Variants in E2F6 observed in about 807,000 individuals in gnomAD.
E2F6 encodes the protein transcription factor E2F6.
E2F6 carries 19 observed loss-of-function variants against 31.5 expected under a neutral mutation model. The ratio of observed to expected loss-of-function variants is 0.60; its 90% CI spans 0.42 to 0.89. The LOEUF is 0.89. E2F6 is among the 40% of genes least tolerant of loss of function. The probability of loss-of-function intolerance (pLI) is 0.00; values close to 1 mark genes in which losing one functional copy is unlikely to be tolerated. For missense variants in E2F6, 269 were observed against 341.6 expected (o/e 0.79, Z 1.67); for synonymous variants, 121 against 127.7 (o/e 0.95, Z 0.36).
rs1197389402 is a variant in E2F6 at position 11,446,368 on chromosome 2, ACGAGAGCACTT to A, written c.*98_*108del. ...ACTGGCCATGATGCCGCTACTGAGA[ACGAGAGCACTT>A]CATGGATAATTTATTGCTCTGAGAA... On this transcript the variant is annotated 3_prime_UTR_variant, in exon 7 of 7. Coordinates refer to ENST00000381525, the MANE Select transcript of E2F6 (RefSeq NM_198256.4). 9 of 784,014 alleles carry A rather than the reference ACGAGAGCACTT, an allele frequency of 1.1e-5. No homozygotes were observed. Among genetic ancestry groups the A allele is most frequent in the Non-Finnish European group, 1.9e-5 (9 of 463,678 alleles). 48.6% of individuals were successfully genotyped at this position (784,014 alleles called of 1,614,324 possible).
At chr2:11,449,530 G>A (rs1359010552) in intron 5 of E2F6, among the ~76,000 whole-genome samples, 1 of 152,132 alleles carries the variant, frequency 6.6e-6, no homozygotes, top group African/African-American at 2.4e-5. Flanking sequence ...AGCAGCTGGC[G>A]GCTGACAAAA....
chr2:11,455,827 C>T (rs1014804832), intron 2 of E2F6, among the ~76,000 whole-genome samples: 17 of 152,202 alleles, frequency 1.1e-4, no homozygotes, highest in African/African-American at 3.4e-4. Flanking sequence ...CAAAGTCACC[C>T]GATGGCAAGA....
intron 4 of E2F6, 137 bp from the exon 5 acceptor site, chr2:11,450,263 G>T: frequency 1.0e-5 from 4 of 397,834 alleles, no homozygotes; most frequent in East Asian, 4.3e-5. Context: ...ATTAAGGAAA[G>T]CAGTAAAAAA....
At chr2:11,458,552 G>T (rs914282950) in intron 1 of E2F6, among the ~76,000 whole-genome samples, 2 of 152,178 alleles carry the variant, frequency 1.3e-5, no homozygotes, top group Admixed American at 1.3e-4. Context: ...AACCAGTAGA[G>T]AATCACCAAA....
intron 1 of E2F6, among the ~76,000 whole-genome samples, chr2:11,462,936 C>T (rs1671877210): frequency 6.6e-6 from 1 of 152,074 alleles, no homozygotes; most frequent in African/African-American, 2.4e-5. Context: ...GAGTTTGAAA[C>T]CTAAGTAGGA....
intron 2 of E2F6, among the ~76,000 whole-genome samples, chr2:11,456,195 T>C (rs1671394079): frequency 6.6e-6 from 1 of 152,218 alleles, no homozygotes; most frequent in South Asian, 2.1e-4. Context: ...TGCAAACACT[T>C]AAAATCAAAT....
At chr2:11,462,581 A>G (rs1671853525) in intron 1 of E2F6, among the ~76,000 whole-genome samples, 1 of 152,170 alleles carries the variant, frequency 6.6e-6, no homozygotes. Flanking sequence ...AGCATACTGG[A>G]AGCACTACTG....
intron 2 of E2F6, among the ~76,000 whole-genome samples, chr2:11,455,642 AG>A (rs1169966214): frequency 6.6e-6 from 1 of 152,242 alleles, no homozygotes; most frequent in East Asian, 1.9e-4. Flanking sequence ...TTATATGCTC[AG>A]GATAAGCATA....
chr2:11,457,110 A>G, intron 2 of E2F6, 69 bp downstream of exon 2: 1 of 1,214,842 alleles, frequency 8.2e-7, no homozygotes, highest in Non-Finnish European at 1.2e-6. Context: ...TCATACACTT[A>G]AACAAATCAT....
intron 1 of E2F6, among the ~76,000 whole-genome samples, chr2:11,464,562 G>C (rs1025419054): frequency 2.0e-5 from 3 of 148,360 alleles, no homozygotes; most frequent in African/African-American, 5.1e-5. Flanking sequence ...AAGAGGAAGA[G>C]AGACAGTAGA....
rs376910930 is a variant in E2F6, at chr2:11,454,423, T to C, written c.164-625A>G. ...GAGCTGGAGTGCAGTGGCGCGATCC[T>C]GGCTCACTGCAACCTCCGCCTCCAG... On this transcript the variant is annotated intron_variant, in intron 2 of 6. Transcript: ENST00000381525. Among the ~76,000 whole-genome samples the C allele has an allele frequency of 7.9e-5, 12 of 151,778 alleles. No individual in the cohort carries two copies. The East Asian group carries it at 1.6e-3, about 20-fold the overall frequency.
Position 11,445,977 on chromosome 2 carries a change from A to G in E2F6, c.*500T>C, listed in dbSNP as rs1670687860. 6.5e-6 allele frequency: 1 copy of G among 153,088 alleles called. No individual in the cohort carries two copies. Among genetic ancestry groups the G allele is most frequent in the Non-Finnish European group, 1.5e-5 (1 of 68,434 alleles). 9.5% of individuals were successfully genotyped at this position (153,088 alleles called of 1,614,324 possible). ...ACATTATTTTGGCTGTACAAGGGTG[A>G]AAAGTGTCACTCAGACATATTTCGT... On this transcript the variant is annotated 3_prime_UTR_variant, in exon 7 of 7. Coordinates refer to ENST00000381525, the MANE Select transcript of E2F6 (RefSeq NM_198256.4).
intron 6 of E2F6, among the ~76,000 whole-genome samples, chr2:11,447,179 T>A (rs1441309415): frequency 2.6e-5 from 4 of 152,186 alleles, no homozygotes; most frequent in Non-Finnish European, 5.9e-5. Flanking sequence ...AGAGGCGACG[T>A]CCTTAGAAAT....
At position 11,457,875 on chromosome 2, in the gene E2F6, G is replaced by A. The variant is rs181178700; in HGVS notation, c.109-642C>T. 3.9e-5 allele frequency among the ~76,000 whole-genome samples: 6 copies of A among 152,298 alleles called. No homozygotes were observed. In the East Asian group the frequency reaches 1.2e-3, roughly 29 times the overall value. Reference sequence around the variant, plus strand: ...AAAAACAGCAGCATTTCTAACAATGGAAAACAATGCATGCTGTGGGTAACT... The same window carrying A: ...AAAAACAGCAGCATTTCTAACAATGAAAAACAATGCATGCTGTGGGTAACT... On this transcript the variant is annotated intron_variant, in intron 1 of 6. Transcript: ENST00000381525.
chr2:11,446,278 G>C lies in E2F6; in HGVS notation c.*199C>G. ...AAAGCAGTGAATAATTATAAAAGGA[G>C]TTGTTTTCAAATGTGGAAACCACAA... On this transcript the variant is annotated 3_prime_UTR_variant, in exon 7 of 7. Coordinates refer to ENST00000381525, the MANE Select transcript of E2F6 (RefSeq NM_198256.4). The C allele has an allele frequency of 1.9e-6, 1 of 515,568 alleles. No individual in the cohort carries two copies. Among genetic ancestry groups the C allele is most frequent in the South Asian group, 2.9e-5 (1 of 34,350 alleles). The allele number at this position is 515,568 out of a possible 1,614,324, so 31.9% of individuals were successfully genotyped here. A position where few individuals can be genotyped will look rare whatever the true frequency, so the allele number is the denominator to read the frequency against.
At chr2:11,450,267 T>TTA (rs1670979781) in intron 4 of E2F6, 141 bp from the exon 5 acceptor site, 5 of 322,236 alleles carry the variant, frequency 1.6e-5, no homozygotes, top group African/African-American at 9.4e-5. Flanking sequence ...AGGAAAGCAG[T>TTA]AAAAAAAAAA....
chr2:11,453,473 C>A, intron 3 of E2F6, 109 bp downstream of exon 3: 3 of 1,007,168 alleles, frequency 3.0e-6, no homozygotes, highest in Non-Finnish European at 4.5e-6. Context: ...AACAAGAAGT[C>A]GTACCTTTGT....
At chr2:11,458,290 C>T in intron 1 of E2F6, 5 of 1,551,798 alleles carry the variant, frequency 3.2e-6, no homozygotes, top group Non-Finnish European at 4.4e-6. Context: ...CAGAAGGATT[C>T]ATGGCGAAGG....
intron 1 of E2F6, among the ~76,000 whole-genome samples, chr2:11,463,722 T>G (rs972784211): frequency 1.1e-4 from 16 of 151,916 alleles, no homozygotes; most frequent in African/African-American, 3.9e-4. Context: ...GGAGCTGAGG[T>G]GAGAGGACTG....
Sources: gnomAD v4.1 joint callset for allele counts (sites outside exome capture counted in the v4.1 genomes callset) on GRCh38, gnomAD v4.1.1 for gene constraint, MANE v1.5 for transcripts, NCBI Gene and HGNC (gene_info 2026-07-23, HGNC 2026-07-21) for gene names.